Variants in ITFG1 observed in about 807,000 individuals in gnomAD.
ITFG1 encodes T-cell immunomodulatory protein.
ITFG1 carries 34 observed loss-of-function variants against 81.8 expected under a neutral mutation model. The ratio of observed to expected loss-of-function variants is 0.42; its 90% CI spans 0.32 to 0.55. The LOEUF is 0.55. Among genes scored for constraint, ITFG1 ranks in the 20% least tolerant of loss-of-function variants. The pLI, the probability that ITFG1 is intolerant of heterozygous loss-of-function variation, is 0.17. For synonymous variants in ITFG1, 285 were observed against 270.6 expected, an observed-to-expected ratio of 1.05 and a Z score of -0.52; for missense variants, 672 against 755.4, an observed-to-expected ratio of 0.89 and a Z score of 1.29.
chr16:47,459,079 C>G (rs1969487902), intron 2 of ITFG1, 24 bp downstream of exon 2: 1 of 1,372,398 alleles, frequency 7.3e-7, no homozygotes, highest in Non-Finnish European at 1.0e-6. Flanking sequence ...AAAGTTTTAT[C>G]AAAATAATCA....
chr16:47,309,068 CTTTT>C (rs1188663308), intron 10 of ITFG1, among the ~76,000 whole-genome samples: 5 of 136,320 alleles, frequency 3.7e-5, no homozygotes, highest in African/African-American at 5.3e-5. Context: ...AACATAACTT[CTTTT>C]TTTTTTTTTT....
At chr16:47,329,944 C>A (rs571651953) in intron 8 of ITFG1, among the ~76,000 whole-genome samples, 1 of 152,174 alleles carries the variant, frequency 6.6e-6, no homozygotes, top group East Asian at 1.9e-4. Flanking sequence ...AATGGTGACA[C>A]TACAATATCA....
intron 7 of ITFG1, among the ~76,000 whole-genome samples, chr16:47,368,615 G>GATAGAATGTTTCATGAATGAATGGAAA (rs1968210193): frequency 6.9e-6 from 1 of 144,382 alleles, no homozygotes; most frequent in East Asian, 2.1e-4. Flanking sequence ...GTGTAGAGTG[G>GATAGAATGTTTCATGAATGAATGGAAA]ATAGAATGTT....
chr16:47,301,940 A>G (rs1476039974), intron 10 of ITFG1, among the ~76,000 whole-genome samples: 1 of 152,028 alleles, frequency 6.6e-6, no homozygotes, highest in Non-Finnish European at 1.5e-5. Flanking sequence ...TGGCCCACTA[A>G]CTCACTTCAT....
rs572861855 is a variant in ITFG1 at position 47,181,020 on chromosome 16, C to T, written c.1454-18356G>A. On this transcript the variant is annotated intron_variant, in intron 14 of 17. Coordinates refer to ENST00000320640, the MANE Select transcript of ITFG1 (RefSeq NM_030790.5). ...GCCCAGTCTGGAAAGTGAGGAGCGT[C>T]TCTGCCCGGCCGCCATACCATCTAG... 6.6e-4 allele frequency among the ~76,000 whole-genome samples: 100 copies of T among 151,222 alleles called. 1 individual carries two copies. Among genetic ancestry groups the T allele is most frequent in the African/African-American group, 2.3e-3 (95 of 41,136 alleles).
Position 47,190,140 on chromosome 16 carries a change from G to A in ITFG1, c.1454-27476C>T, listed in dbSNP as rs1596797007. ...TGACTTAGTGCACTTAATTTTCCTT[G>A]TTGGAGATCTGTACCTCTCTGAGAG... On this transcript the variant is annotated intron_variant, in intron 14 of 17. Transcript: ENST00000320640. 2.6e-5 allele frequency among the ~76,000 whole-genome samples: 4 copies of A among 151,936 alleles called. No individual in the cohort carries two copies. In the Middle Eastern group the frequency reaches 0.014, roughly 517 times the overall value.
At chr16:47,191,327 T>G (rs1323413494) in intron 14 of ITFG1, among the ~76,000 whole-genome samples, 1 of 152,106 alleles carries the variant, frequency 6.6e-6, no homozygotes, top group Non-Finnish European at 1.5e-5. Flanking sequence ...GCAGGCCACA[T>G]GTGGCCCAGG....
In ITFG1 at chr16:47,454,023, A is replaced by C. The variant is rs545064040; in HGVS notation, c.417T>G (p.Asn139Lys). The C allele has an allele frequency of 3.6e-5, 58 of 1,598,020 alleles. No homozygotes were observed. In the South Asian group the frequency reaches 5.0e-4, roughly 14 times the overall value. ...ELGAVIFWGQ[N>K]QTLDPNNMTI... ...TTAAAACAAATTCACCTAATGTTTGATTTTGTCCCCAGAAGATAACAGCTC... is the reference window on the plus strand; with the variant it reads ...TTAAAACAAATTCACCTAATGTTTGCTTTTGTCCCCAGAAGATAACAGCTC... Residue 139 changes from asparagine to lysine, a missense_variant, in exon 3 of 18, where the codon AAT becomes AAG. Physicochemically the swap from Asn to Lys is moderately conservative, Grantham distance 94. This residue lies in a region of ITFG1 where 560 missense variants were observed against 625.7 expected (regional missense o/e 0.90). Transcript: ENST00000320640.
At chr16:47,243,618 T>C (rs1965963430) in intron 12 of ITFG1, among the ~76,000 whole-genome samples, 1 of 152,126 alleles carries the variant, frequency 6.6e-6, no homozygotes, top group Non-Finnish European at 1.5e-5. Context: ...ATATATAACA[T>C]TATGGAATGA....
chr16:47,303,017 A>C (rs1967100704), intron 10 of ITFG1, among the ~76,000 whole-genome samples: 1 of 152,214 alleles, frequency 6.6e-6, no homozygotes, highest in Non-Finnish European at 1.5e-5. Flanking sequence ...CACGCCTGTA[A>C]TCCCAGCACT....
rs573711629 is a variant in ITFG1 at position 47,276,026 on chromosome 16, G to GACTA, written c.1071-15335_1071-15332dup. ...AGTCAATGATACCAAATAACACCAT[G>GACTA]ACTACTCAACACTGTAATGAAGGTC... On this transcript the variant is annotated intron_variant, in intron 10 of 17. Transcript: ENST00000320640. Among the ~76,000 whole-genome samples, 38 of 152,082 alleles carry GACTA rather than the reference G, an allele frequency of 2.5e-4. No individual in the cohort carries two copies. The South Asian group carries it at 7.9e-3, about 32-fold the overall frequency.
At chr16:47,164,960 C>G (rs1448379235) in intron 14 of ITFG1, among the ~76,000 whole-genome samples, 2 of 152,162 alleles carry the variant, frequency 1.3e-5, no homozygotes, top group Non-Finnish European at 2.9e-5. Context: ...AGTAGTTTTC[C>G]TTAGAATAGA....
rs1969454309 is a variant in ITFG1, at chr16:47,456,464, T to G, written c.282-2306A>C. On this transcript the variant is annotated intron_variant, in intron 2 of 17. Coordinates refer to ENST00000320640, the MANE Select transcript of ITFG1 (RefSeq NM_030790.5). ...TAGCACTTTGGGAGGCCAAGGCAGGTGGATTGCCTGAGCTCAGGAGTTTTG... is the reference window on the plus strand; with the variant it reads ...TAGCACTTTGGGAGGCCAAGGCAGGGGGATTGCCTGAGCTCAGGAGTTTTG... Among the ~76,000 whole-genome samples, 5 of 151,982 alleles carry G rather than the reference T, an allele frequency of 3.3e-5. 1 individual carries two copies. The highest frequency in any genetic ancestry group is 3.3e-4 in the Admixed American group (5 of 15,260).
upstream of ITFG1, chr16:47,461,214 A>T: frequency 4.2e-6 from 4 of 962,764 alleles, no homozygotes; most frequent in Non-Finnish European, 6.0e-6. Flanking sequence ...CTAAAAAAGC[A>T]GTGGAGCTAG....
chr16:47,162,048 T>C (rs1481788055), intron 15 of ITFG1, among the ~76,000 whole-genome samples: 1 of 152,216 alleles, frequency 6.6e-6, no homozygotes, highest in Non-Finnish European at 1.5e-5. Flanking sequence ...TTGTGTTTTA[T>C]GAATTCATTC....
At chr16:47,455,725 G>A (rs1969443002) in intron 2 of ITFG1, among the ~76,000 whole-genome samples, 2 of 134,880 alleles carry the variant, frequency 1.5e-5, no homozygotes, top group Non-Finnish European at 3.0e-5. Context: ...GCCAAGATTG[G>A]ACCATTGCAC....
At chr16:47,395,246 A>G (rs1596955096) in intron 6 of ITFG1, among the ~76,000 whole-genome samples, 1 of 152,174 alleles carries the variant, frequency 6.6e-6, no homozygotes, top group Non-Finnish European at 1.5e-5. Flanking sequence ...GCTATTTACC[A>G]TATATTCATT....
At chr16:47,208,192 A>G (rs961758375) in intron 14 of ITFG1, among the ~76,000 whole-genome samples, 1 of 152,208 alleles carries the variant, frequency 6.6e-6, no homozygotes, top group Non-Finnish European at 1.5e-5. Flanking sequence ...GAGAACCTGG[A>G]GCCAGGCTGC....
intron 8 of ITFG1, among the ~76,000 whole-genome samples, chr16:47,338,311 G>A (rs1411830585): frequency 6.6e-6 from 1 of 152,134 alleles, no homozygotes; most frequent in African/African-American, 2.4e-5. Flanking sequence ...GGGAGGCTGA[G>A]GCAGGAAAAT....
Sources: gnomAD v4.1 joint callset for allele counts (sites outside exome capture counted in the v4.1 genomes callset) on GRCh38, gnomAD v4.1.1 for gene constraint, gnomAD v4.1.1 regional missense constraint, MANE v1.5 for transcripts, NCBI Gene and HGNC (gene_info 2026-07-23, HGNC 2026-07-21) for gene names.